The following DNAH11 variants were observed in gnomAD, a reference collection of about 807,000 sequenced individuals.
DNAH11 encodes dynein axonemal heavy chain 11, also known as axonemal beta dynein heavy chain 11.
DNAH11 carries 442 observed loss-of-function variants against 526.0 expected under a neutral mutation model. The ratio of observed to expected loss-of-function variants is 0.84; its 90% CI spans 0.78 to 0.91. The LOEUF (loss-of-function observed/expected upper bound fraction) is 0.91, where lower values mean the gene tolerates loss of function less well. Ranked by LOEUF, DNAH11 falls within the 40% of genes least tolerant of loss-of-function variation. The pLI is 0.00. For synonymous variants in DNAH11, 2,461 were observed against 1,935.9 expected, an observed-to-expected ratio of 1.27 and a Z score of -7.12; for missense variants, 6,989 against 5,448.7, an observed-to-expected ratio of 1.28 and a Z score of -8.90.
chr7:21,646,243 C>T (rs13238939), intron 28 of DNAH11, among the ~76,000 whole-genome samples: 58,664 of 151,936 alleles, frequency 0.39, 13,084 homozygotes, highest in Non-Finnish European at 0.51. Context: ...AACAGGATGG[C>T]CAAGATGAAA....
chr7:21,828,178 A>T (rs1473968034), intron 65 of DNAH11, among the ~76,000 whole-genome samples: 1 of 152,066 alleles, frequency 6.6e-6, no homozygotes, highest in Admixed American at 6.6e-5. Context: ...TGAACTCCTG[A>T]CCTCAGGTGA....
intron 61 of DNAH11, among the ~76,000 whole-genome samples, chr7:21,795,623 TTGTTC>T (rs1788675110): frequency 1.3e-5 from 2 of 152,222 alleles, no homozygotes; most frequent in Admixed American, 1.3e-4. Flanking sequence ...AAAGGTTTAT[TTGTTC>T]TAGTTGAAGG....
intron 2 of DNAH11, among the ~76,000 whole-genome samples, chr7:21,548,703 G>A (rs1175409691): frequency 6.6e-6 from 1 of 152,132 alleles, no homozygotes; most frequent in Non-Finnish European, 1.5e-5. Flanking sequence ...CTGGGTAATT[G>A]CCATTGCCTG....
rs562635860 is a variant in DNAH11 at position 21,901,126 on chromosome 7, A to G, written c.13423A>G (p.Thr4475Ala). Residue 4475 changes from threonine (T) to alanine (A), a missense_variant, in exon 82 of 82, where the codon ACC becomes GCC. By Grantham distance (58) the Thr-to-Ala change is moderately conservative. Coordinates refer to ENST00000409508, the MANE Select transcript of DNAH11 (RefSeq NM_001277115.2). ...TPVDRQETKQ[T>A]YECPVYRTKL... is the part of the protein sequence containing the mutation. ...CGTGGACAGACAAGAAACCAAACAG[A>G]CCTACGAGTGCCCTGTGTATAGAAC... is the stretch of plus-strand genomic sequence containing the variant. The G allele has an allele frequency of 3.7e-6, 6 of 1,613,256 alleles. No homozygotes were observed. The highest frequency in any genetic ancestry group is 1.6e-4 in the Middle Eastern group (1 of 6,062).
chr7:21,898,603 AC>A (rs1436005632), intron 79 of DNAH11, among the ~76,000 whole-genome samples: 2 of 152,186 alleles, frequency 1.3e-5, no homozygotes, highest in Non-Finnish European at 2.9e-5. Context: ...TCTGAAACTT[AC>A]AATTCAAGGT....
At position 21,901,046 on chromosome 7, in the gene DNAH11, C is replaced by A. The variant is rs1284839757; in HGVS notation, c.13343C>A (p.Ala4448Asp). The change falls in exon 82 of 82, where the codon GCC becomes GAC. Residue 4448 changes from alanine to aspartate, a missense_variant. Coordinates refer to ENST00000409508, the MANE Select transcript of DNAH11 (RefSeq NM_001277115.2). ...WDTQAGTIVE[A>D]RLKELACPMP... ...ACCCAAGCAGGAACCATTGTTGAAGCCCGTCTCAAGGAGCTGGCATGCCCT... is the reference window on the plus strand; with the variant it reads ...ACCCAAGCAGGAACCATTGTTGAAGACCGTCTCAAGGAGCTGGCATGCCCT... 6.2e-7 allele frequency: 1 copy of A among 1,612,518 alleles called. No homozygotes were observed. Among genetic ancestry groups the A allele is most frequent in the Non-Finnish European group, 8.5e-7 (1 of 1,179,244 alleles).
At chr7:21,846,455 A>G (rs1270948243) in intron 66 of DNAH11, among the ~76,000 whole-genome samples, 2 of 152,024 alleles carry the variant, frequency 1.3e-5, no homozygotes, top group South Asian at 2.1e-4. Flanking sequence ...AATTTTATCA[A>G]ATGTTTTTTC....
chr7:21,899,934 A>T (rs1180819556), intron 80 of DNAH11, 46 bp from the exon 81 acceptor site: 1 of 1,602,072 alleles, frequency 6.2e-7, no homozygotes, highest in African/African-American at 1.3e-5. Flanking sequence ...CGGGAACCTT[A>T]CATGCAACAC....
At chr7:21,792,871 C>G (rs928743725) in intron 61 of DNAH11, among the ~76,000 whole-genome samples, 3 of 151,786 alleles carry the variant, frequency 2.0e-5, no homozygotes, top group Admixed American at 6.6e-5. Flanking sequence ...TAGTCTCAGT[C>G]ATTTATTTAT....
chr7:21,755,805 G>C (rs868424465), intron 54 of DNAH11, among the ~76,000 whole-genome samples: 1 of 151,994 alleles, frequency 6.6e-6, no homozygotes, highest in African/African-American at 2.4e-5. Context: ...TCAAGAATTT[G>C]GTGTATGGAA....
At chr7:21,544,967 A>G in intron 1 of DNAH11, 39 bp from the exon 2 acceptor site, 2 of 1,513,002 alleles carry the variant, frequency 1.3e-6, no homozygotes, top group Non-Finnish European at 1.8e-6. Context: ...CTTGTTAACA[A>G]GAAAACTACT....
In DNAH11 at chr7:21,591,294, A is replaced by G; in HGVS notation, c.2384A>G (p.Gln795Arg). 1.9e-6 allele frequency: 3 copies of G among 1,613,614 alleles called. No homozygotes were observed. Among genetic ancestry groups the G allele is most frequent in the Non-Finnish European group, 2.5e-6 (3 of 1,179,622 alleles). Residue 795 changes from glutamine to arginine, a missense_variant, in exon 14 of 82, where the codon CAG becomes CGG. Coordinates refer to ENST00000409508, the MANE Select transcript of DNAH11 (RefSeq NM_001277115.2). ...IEDELRAIDE[Q>R]LTAATTWLTW... ...GATGAGCTGAGGGCTATTGACGAGC[A>G]GCTGACAGCAGCCACAACGTGGCTG...
intron 76 of DNAH11, among the ~76,000 whole-genome samples, chr7:21,890,097 A>G (rs547693820): frequency 2.6e-5 from 4 of 152,316 alleles, no homozygotes; most frequent in Admixed American, 1.3e-4. Flanking sequence ...CTGTTTGCAT[A>G]CCTTATTAAA....
intron 62 of DNAH11, among the ~76,000 whole-genome samples, chr7:21,802,415 C>G (rs1005293641): frequency 9.9e-5 from 15 of 152,074 alleles, no homozygotes; most frequent in African/African-American, 3.1e-4. Flanking sequence ...TTCTGCAGTT[C>G]CTCAAAACGT....
intron 54 of DNAH11, among the ~76,000 whole-genome samples, chr7:21,751,105 C>A (rs2965354): frequency 0.042 from 6,462 of 152,160 alleles, 177 homozygotes; most frequent in East Asian, 0.072. Context: ...GGGTGGATCA[C>A]CTGAGGTCAG....
chr7:21,895,685 CTATTA>C, intron 79 of DNAH11, among the ~76,000 whole-genome samples: 1 of 152,126 alleles, frequency 6.6e-6, no homozygotes. Context: ...TGTACCATTC[CTATTA>C]TTTTAGTGGA....
chr7:21,690,640 T>G (rs1455557081), intron 34 of DNAH11, 125 bp from the exon 35 acceptor site: 1 of 682,500 alleles, frequency 1.5e-6, no homozygotes, highest in East Asian at 2.8e-5. Context: ...CTTATGAATT[T>G]TAAAGAAAAT....
At chr7:21,663,235 C>T (rs1357894279) in intron 30 of DNAH11, among the ~76,000 whole-genome samples, 1 of 152,030 alleles carries the variant, frequency 6.6e-6, no homozygotes, top group African/African-American at 2.4e-5. Context: ...TCAGTGGCCA[C>T]TTAGGTTGAT....
intron 20 of DNAH11, among the ~76,000 whole-genome samples, chr7:21,610,947 C>G (rs9638787): frequency 0.11 from 17,339 of 152,268 alleles, 1,241 homozygotes; most frequent in East Asian, 0.2. Context: ...AAGATAATAG[C>G]TAAGACTTAA....
Sources: allele counts gnomAD v4.1 joint callset (sites outside exome capture counted in the v4.1 genomes callset), GRCh38; gene constraint gnomAD v4.1.1; transcripts MANE v1.5; gene names NCBI Gene and HGNC (gene_info 2026-07-23, HGNC 2026-07-21).